EBF1: variants seen among roughly 807,000 people sequenced by gnomAD.
EBF1 encodes the protein transcription factor COE1.
A neutral mutation model predicts 68.4 loss-of-function variants in EBF1; 10 were observed. That is an observed-to-expected ratio of 0.15 (90% CI 0.09 to 0.25). The LOEUF is 0.25. Ranked by LOEUF, EBF1 falls within the 10% of genes least tolerant of loss-of-function variation. The probability of loss-of-function intolerance (pLI) is 1.00; values close to 1 mark genes in which losing one functional copy is unlikely to be tolerated. For synonymous variants in EBF1, 298 were observed against 299.8 expected, an observed-to-expected ratio of 0.99 and a Z score of 0.06; for missense variants, 509 against 794.4, an observed-to-expected ratio of 0.64 and a Z score of 4.32.
chr5:159,084,367 A>G (rs897678294), intron 5 of EBF1, among the ~76,000 whole-genome samples: 7 of 152,164 alleles, frequency 4.6e-5, no homozygotes, highest in African/African-American at 1.4e-4. Flanking sequence ...AAAGGGTTAT[A>G]TTGTTTTATT....
intron 6 of EBF1, among the ~76,000 whole-genome samples, chr5:158,872,811 T>C (rs906511942): frequency 6.6e-6 from 1 of 152,130 alleles, no homozygotes; most frequent in African/African-American, 2.4e-5. Context: ...CCCTGCTACA[T>C]ACCATTAATT....
At chr5:158,751,330 G>A (rs1158310926) in intron 10 of EBF1, among the ~76,000 whole-genome samples, 1 of 151,958 alleles carries the variant, frequency 6.6e-6, no homozygotes, top group Non-Finnish European at 1.5e-5. Context: ...TAGGACACAT[G>A]TTGCGTTTGC....
chr5:159,066,206 T>A (rs962224264), intron 6 of EBF1, among the ~76,000 whole-genome samples: 1 of 152,220 alleles, frequency 6.6e-6, no homozygotes, highest in African/African-American at 2.4e-5. Flanking sequence ...TTATTAAAGA[T>A]GTGTTGGCTA....
intron 6 of EBF1, among the ~76,000 whole-genome samples, chr5:159,051,936 T>C (rs1397255979): frequency 6.6e-6 from 1 of 152,142 alleles, no homozygotes; most frequent in Non-Finnish European, 1.5e-5. Flanking sequence ...TTTATAGTTG[T>C]AACAGTATTA....
At chr5:158,940,820 C>T (rs71593316) in intron 6 of EBF1, among the ~76,000 whole-genome samples, 9,754 of 131,952 alleles carry the variant, frequency 0.074, 438 homozygotes, top group Non-Finnish European at 0.095. Context: ...AAAGTGAATC[C>T]CCAACAGAGG....
intron 6 of EBF1, among the ~76,000 whole-genome samples, chr5:159,022,486 C>T (rs1328111076): frequency 6.6e-6 from 1 of 152,158 alleles, no homozygotes. Context: ...TGTACATATT[C>T]CCACCATCAC....
intron 8 of EBF1, among the ~76,000 whole-genome samples, chr5:158,806,644 A>C (rs1781640468): frequency 6.6e-6 from 1 of 152,212 alleles, no homozygotes; most frequent in Non-Finnish European, 1.5e-5. Flanking sequence ...ATTTAAGCTT[A>C]AGATGACTTA....
At chr5:158,920,816 T>C (rs956675475) in intron 6 of EBF1, among the ~76,000 whole-genome samples, 2 of 152,180 alleles carry the variant, frequency 1.3e-5, no homozygotes, top group Non-Finnish European at 2.9e-5. Flanking sequence ...TTCCTTTTAG[T>C]GCAGGCTCTG....
Position 158,788,004 on chromosome 5 carries a change from TA to T in EBF1, c.909+8340del, listed in dbSNP as rs1399982710. 1.0e-4 allele frequency among the ~76,000 whole-genome samples: 15 copies of T among 150,708 alleles called. No homozygotes were observed. In the East Asian group the frequency reaches 3.0e-3, roughly 30 times the overall value. On this transcript the variant is annotated intron_variant, in intron 9 of 15. Transcript: ENST00000313708. The stretch of plus-strand genomic sequence containing the variant: ...CATTGTCAACTACAACAGTTGCTAT[TA>T]GGGAGCATTTGTTTGACTGAATGAA...
At chr5:158,864,223 CAA>C (rs34498854) in intron 6 of EBF1, among the ~76,000 whole-genome samples, 348 of 58,520 alleles carry the variant, frequency 5.9e-3, no homozygotes, top group African/African-American at 0.016. Flanking sequence ...GACTCTGTCT[CAA>C]AAAAAAAAAA....
At chr5:158,716,844 C>T (rs958844296) in intron 11 of EBF1, among the ~76,000 whole-genome samples, 2 of 152,120 alleles carry the variant, frequency 1.3e-5, no homozygotes, top group Non-Finnish European at 2.9e-5. Context: ...CAGAACATGA[C>T]GAGCAGGTCA....
chr5:158,782,781 A>C (rs1211908442), intron 9 of EBF1, among the ~76,000 whole-genome samples: 1 of 152,196 alleles, frequency 6.6e-6, no homozygotes, highest in Non-Finnish European at 1.5e-5. Context: ...AATTCTACTA[A>C]ATCATTGACT....
chr5:158,759,378 C>T (rs1473786965), intron 10 of EBF1, among the ~76,000 whole-genome samples: 1 of 152,108 alleles, frequency 6.6e-6, no homozygotes, highest in Non-Finnish European at 1.5e-5. Context: ...ACAACAGTTT[C>T]AAGGATCTGC....
intron 6 of EBF1, among the ~76,000 whole-genome samples, chr5:158,908,954 A>C (rs1384092586): frequency 6.6e-6 from 1 of 152,214 alleles, no homozygotes; most frequent in African/African-American, 2.4e-5. Flanking sequence ...GTTCAGACCG[A>C]CTGGCTCTCA....
chr5:158,980,745 G>A (rs1007548669), intron 6 of EBF1, among the ~76,000 whole-genome samples: 12 of 152,148 alleles, frequency 7.9e-5, no homozygotes, highest in Non-Finnish European at 1.8e-4. Flanking sequence ...GCTACTGAAG[G>A]TGTCTCTATG....
chr5:159,015,905 C>T (rs1765533374), intron 6 of EBF1, among the ~76,000 whole-genome samples: 1 of 152,218 alleles, frequency 6.6e-6, no homozygotes, highest in Non-Finnish European at 1.5e-5. Context: ...CCATAAAACA[C>T]CACACATGTG....
At chr5:158,922,665 T>A (rs566311441) in intron 6 of EBF1, among the ~76,000 whole-genome samples, 25 of 152,354 alleles carry the variant, frequency 1.6e-4, no homozygotes, top group Non-Finnish European at 3.1e-4. Context: ...GGTGGGTATG[T>A]CTTGCTCTAC....
At chr5:158,741,708 A>G (rs1766458989) in intron 10 of EBF1, among the ~76,000 whole-genome samples, 1 of 152,156 alleles carries the variant, frequency 6.6e-6, no homozygotes, top group South Asian at 2.1e-4. Flanking sequence ...ATAGCATCCC[A>G]TTAAGTTTGT....
At chr5:158,843,168 G>A (rs186351359) in intron 6 of EBF1, among the ~76,000 whole-genome samples, 1 of 152,134 alleles carries the variant, frequency 6.6e-6, no homozygotes, top group African/African-American at 2.4e-5. Flanking sequence ...CTTCCCCAGG[G>A]TTGGTAATAT....
Sources: gnomAD v4.1 joint callset for allele counts (sites outside exome capture counted in the v4.1 genomes callset) on GRCh38, gnomAD v4.1.1 for gene constraint, MANE v1.5 for transcripts, NCBI Gene and HGNC (gene_info 2026-07-23, HGNC 2026-07-21) for gene names.